Variants in TONSL observed in about 807,000 individuals in gnomAD.
TONSL encodes the protein tonsoku like, DNA repair protein, also known as tonsoku-like protein.
TONSL carries 112 observed loss-of-function variants against 147.1 expected under a neutral mutation model. The ratio of observed to expected loss-of-function variants is 0.76; its 90% CI spans 0.65 to 0.89. TONSL has a LOEUF of 0.89. Ranked by LOEUF, TONSL falls within the 40% of genes least tolerant of loss-of-function variation. The probability of loss-of-function intolerance (pLI) is 0.00; values close to 1 mark genes in which losing one functional copy is unlikely to be tolerated. For missense variants in TONSL, 1,883 were observed against 1,864.6 expected (o/e 1.01, Z -0.18); for synonymous variants, 868 against 801.5 (o/e 1.08, Z -1.40).
intron 3 of TONSL, 59 bp downstream of exon 3, chr8:144,443,823 C>G: frequency 6.5e-7 from 1 of 1,533,474 alleles, no homozygotes; most frequent in Non-Finnish European, 8.8e-7. Flanking sequence ...GGCCTCCCTC[C>G]TCAGAAAAGG....
chr8:144,431,046 C>G (rs1271153653), intron 24 of TONSL, 32 bp downstream of exon 24: 4 of 1,613,042 alleles, frequency 2.5e-6, no homozygotes, highest in Non-Finnish European at 3.4e-6. Context: ...ATCAGACCCC[C>G]AGGTCAGCAG....
Position 144,431,085 on chromosome 8 carries a change from G to C in TONSL, c.3802C>G (p.Leu1268Val), listed in dbSNP as rs782460007. 1 of 1,614,028 alleles carries C rather than the reference G, an allele frequency of 6.2e-7. No individual in the cohort carries two copies. Among genetic ancestry groups the C allele is most frequent in the Non-Finnish European group, 8.5e-7 (1 of 1,179,996 alleles). Residue 1268 changes from leucine (L) to valine (V), a missense_variant, in exon 24 of 26, where the codon CTG becomes GTG. Transcript: ENST00000409379. ...GCAGGGAAAGGGCGTTACCTGCACA[G>C]GTCTCTAACAGCCTTGTCCCCCAGG... is the stretch of plus-strand genomic sequence containing the variant. ...NHLGDKAVRD[L>V]CRCLSLCPSL... is the part of the protein sequence containing the mutation.
At chr8:144,434,786 A>C (rs541338859) in intron 20 of TONSL, 25 bp downstream of exon 20, 4 of 1,610,268 alleles carry the variant, frequency 2.5e-6, no homozygotes, top group Middle Eastern at 1.6e-4. Flanking sequence ...CCTCACCCAG[A>C]AACTGCAGCT....
chr8:144,436,335 C>G lies in TONSL; in HGVS notation c.2098G>C (p.Glu700Gln). 1 of 1,502,092 alleles carries G rather than the reference C, an allele frequency of 6.7e-7. No individual in the cohort carries two copies. Among genetic ancestry groups the G allele is most frequent in the South Asian group, 1.3e-5 (1 of 75,378 alleles). 93.0% of individuals were successfully genotyped at this position (1,502,092 alleles called of 1,614,324 possible). The part of the protein sequence containing the change: ...ETSPPLSPCP[E>Q]PPSNSTRLPE... ...AGTCTAGTGCTATTAGAGGGGGGTTCTGGGCAGGGGCTCAAAGGAGGAGAG... is the reference window on the plus strand; with the variant it reads ...AGTCTAGTGCTATTAGAGGGGGGTTGTGGGCAGGGGCTCAAAGGAGGAGAG... Residue 700 changes from glutamate to glutamine, a missense_variant, in exon 17 of 26, where the codon GAA (glutamate) becomes CAA (glutamine). By Grantham distance (29) the Glu-to-Gln change is conservative. Coordinates refer to ENST00000409379, the MANE Select transcript of TONSL (RefSeq NM_013432.5).
At chr8:144,431,258 C>A in intron 23 of TONSL, 107 bp from the exon 24 acceptor site, 1 of 1,024,464 alleles carries the variant, frequency 9.8e-7, no homozygotes, top group South Asian at 1.3e-5. Context: ...AGCAGAGTCC[C>A]CCATCAAGTT....
At chr8:144,444,318 G>A in intron 1 of TONSL, 43 bp from the exon 2 acceptor site, 1 of 1,333,690 alleles carries the variant, frequency 7.5e-7, no homozygotes, top group East Asian at 3.1e-5. Context: ...GGCGGGGTCC[G>A]GGGCCGGGGC....
intron 5 of TONSL, 73 bp downstream of exon 5, chr8:144,442,603 GA>G: frequency 1.3e-6 from 2 of 1,557,670 alleles, no homozygotes; most frequent in East Asian, 2.3e-5. Flanking sequence ...AGGACTCTGG[GA>G]AAAATACTCC....
At chr8:144,431,029 C>T in intron 24 of TONSL, 49 bp downstream of exon 24, 2 of 1,602,814 alleles carry the variant, frequency 1.2e-6, no homozygotes, top group African/African-American at 1.3e-5. Context: ...GGGTCCAGAG[C>T]CATGAGATCA....
rs759885971 is a variant in TONSL at position 144,436,203 on chromosome 8, A to T, written c.2230T>A (p.Ser744Thr). ...GGGCCTGCGCTGTCCTCGCCTTCTG[A>T]GCTGCTGCTGCTGCTGGCTGGCCCA... is the stretch of plus-strand genomic sequence containing the variant. ...RHGPASSSSSSEGEDSAGPAR... is the reference protein window; with the variant it reads ...RHGPASSSSSTEGEDSAGPAR... The change falls in exon 17 of 26, where the codon TCA (serine) becomes ACA (threonine). Residue 744 changes from serine to threonine, a missense_variant. Ser to Thr is a moderately conservative substitution (Grantham distance 58). Transcript: ENST00000409379. 6.4e-7 allele frequency: 1 copy of T among 1,568,266 alleles called. No individual in the cohort carries two copies. Among genetic ancestry groups the T allele is most frequent in the Admixed American group, 1.7e-5 (1 of 57,444 alleles).
In TONSL at chr8:144,436,313, C is replaced by G. The variant is rs775935257; in HGVS notation, c.2120G>C (p.Arg707Thr). The change falls in exon 17 of 26, where the codon AGA becomes ACA. Residue 707 changes from arginine (R) to threonine (T), a missense_variant. Transcript: ENST00000409379. ...ATGGGCCTGAGAGGCCTCTGGGAGT[C>G]TAGTGCTATTAGAGGGGGGTTCTGG... ...PCPEPPSNST[R>T]LPEASQAHVR... 7 of 1,503,328 alleles carry G rather than the reference C, an allele frequency of 4.7e-6. No homozygotes were observed. Among genetic ancestry groups the G allele is most frequent in the Non-Finnish European group, 6.2e-6 (7 of 1,133,260 alleles). The allele number at this position is 1,503,328 out of a possible 1,614,324, so 93.1% of individuals were successfully genotyped here.
rs182225101 is a variant in TONSL at position 144,435,480 on chromosome 8, G to T, written c.2846C>A (p.Pro949Gln). 357 of 1,547,154 alleles carry T rather than the reference G, an allele frequency of 2.3e-4. 1 individual carries two copies. The highest frequency in any genetic ancestry group is 1.4e-4 in the Non-Finnish European group (160 of 1,144,592). Residue 949 changes from proline to glutamine, a missense_variant, in exon 18 of 26, where the codon CCA becomes CAA. Pro to Gln is a moderately conservative substitution (Grantham distance 76). Coordinates refer to ENST00000409379, the MANE Select transcript of TONSL (RefSeq NM_013432.5). ...AGGGCAGGCGATGCCTCACCTGTGT[G>T]GGACAGGGATGAGGAAGAGATGATC... ...VQDHLFLIPV[P>Q]HSSDTHSVAW...
In TONSL at chr8:144,443,976, C is replaced by A. The variant is rs1208023397; in HGVS notation, c.170G>T (p.Arg57Leu). The A allele has an allele frequency of 1.3e-6, 2 of 1,540,774 alleles. No homozygotes were observed. Among genetic ancestry groups the A allele is most frequent in the African/African-American group, 2.7e-5 (2 of 73,032 alleles). The change falls in exon 3 of 26, where the codon CGG (arginine) becomes CTG (leucine). Residue 57 changes from arginine to leucine, a missense_variant. By Grantham distance (102) the Arg-to-Leu change is moderately radical. Transcript: ENST00000409379. Reference protein sequence around the residue: ...LEQHWQELQLRERADDPLGCA... With the variant: ...LEQHWQELQLLERADDPLGCA... ...GCCCAGAGGGTCGTCAGCGCGCTCC[C>A]GAAGCTGCAGCTCCTGCCAGTGCTG... is the stretch of plus-strand genomic sequence containing the variant.
rs781983130 is a variant in TONSL at position 144,430,448 on chromosome 8, G to C, written c.3899C>G (p.Thr1300Ser). The change falls in exon 25 of 26, where the codon ACC becomes AGC. Residue 1300 changes from threonine (T) to serine (S), a missense_variant. By Grantham distance (58) the Thr-to-Ser change is moderately conservative. Coordinates refer to ENST00000409379, the MANE Select transcript of TONSL (RefSeq NM_013432.5). ...SCASLEELLS[T>S]LQKRPQGLSF... ...AAGGCCTTGGGGCCGCTTTTGGAGG[G>C]TGGACAGGAGCTCTTCCAAGCTGGC... 5.6e-6 allele frequency: 9 copies of C among 1,612,906 alleles called. No homozygotes were observed. In the South Asian group the frequency reaches 9.9e-5, roughly 18 times the overall value.
chr8:144,443,148 C>G lies in TONSL; in HGVS notation c.438G>C (p.Glu146Asp). Reference protein sequence around the residue: ...AFEKSLAIVDEELEGTLAQGE... With the variant: ...AFEKSLAIVDDELEGTLAQGE... ...GAGGGGTCTGCCCACCCTCCAGCTCCTCATCCACAATAGCCAAGCTCTTCT... is the reference window on the plus strand; with the variant it reads ...GAGGGGTCTGCCCACCCTCCAGCTCGTCATCCACAATAGCCAAGCTCTTCT... The change falls in exon 4 of 26, where the codon GAG becomes GAC. Residue 146 changes from glutamate to aspartate, a missense_variant. Transcript: ENST00000409379. 3.2e-6 allele frequency: 5 copies of G among 1,550,488 alleles called. No individual in the cohort carries two copies. The highest frequency in any genetic ancestry group is 4.4e-6 in the Non-Finnish European group (5 of 1,146,888).
In TONSL at chr8:144,434,843, C is replaced by T. The variant is rs1423245887; in HGVS notation, c.3053G>A (p.Arg1018His). The T allele has an allele frequency of 1.2e-6, 2 of 1,613,414 alleles. No homozygotes were observed. Among genetic ancestry groups the T allele is most frequent in the East Asian group, 2.2e-5 (1 of 44,904 alleles). The change falls in exon 20 of 26, where the codon CGC becomes CAC. Residue 1018 changes from arginine (R) to histidine (H), a missense_variant. Arg to His is a conservative substitution (Grantham distance 29). Coordinates refer to ENST00000409379, the MANE Select transcript of TONSL (RefSeq NM_013432.5). ...TSWDLPPLTD[R>H]YRRACQSLGQ... Reference sequence around the variant, plus strand: ...CAGGCTCTGGCAGGCCCTGCGGTAGCGGTCAGTCAACGGGGGCAGGTCCCA... The same window carrying T: ...CAGGCTCTGGCAGGCCCTGCGGTAGTGGTCAGTCAACGGGGGCAGGTCCCA...
At chr8:144,430,270 C>CCCCAGCCTCATGGAG (rs1329363678) in intron 25 of TONSL, 134 bp downstream of exon 25, 1 of 1,120,410 alleles carries the variant, frequency 8.9e-7, no homozygotes, top group East Asian at 2.8e-5. Context: ...CCCCCTGCTG[C>CCCCAGCCTCATGGAG]CCCAGCCTCA....
At position 144,434,907 on chromosome 8, in the gene TONSL, G is replaced by A. The variant is rs757376878; in HGVS notation, c.3007-18C>T. 3.7e-6 allele frequency: 6 copies of A among 1,613,098 alleles called. No homozygotes were observed. Among genetic ancestry groups the A allele is most frequent in the Non-Finnish European group, 5.1e-6 (6 of 1,179,882 alleles). The stretch of plus-strand genomic sequence containing the variant: ...GCCAACACCTGGAAGGCACCGTCAT[G>A]AGCCACCTGGGGGCTCCCCCGGCTC... On this transcript the variant is annotated intron_variant, in intron 19 of 25. Coordinates refer to ENST00000409379, the MANE Select transcript of TONSL (RefSeq NM_013432.5).
In TONSL at chr8:144,435,159, T is replaced by A. The variant is rs1326669938; in HGVS notation, c.2864A>T (p.His955Leu). The change falls in exon 19 of 26, where the codon CAC (histidine) becomes CTC (leucine). Residue 955 changes from histidine (H) to leucine (L), a missense_variant. Physicochemically the swap from His to Leu is moderately conservative, Grantham distance 99 (BLOSUM62 -3). Coordinates refer to ENST00000409379, the MANE Select transcript of TONSL (RefSeq NM_013432.5). ...CTGCTCGGCCAGCCAGGCCACAGAG[T>A]GGGTGTCACTGCTGCAGGGACAGAG... Reference protein sequence around the residue: ...LIPVPHSSDTHSVAWLAEQAA... With the variant: ...LIPVPHSSDTLSVAWLAEQAA... 1 of 1,553,576 alleles carries A rather than the reference T, an allele frequency of 6.4e-7. No individual in the cohort carries two copies. Among genetic ancestry groups the A allele is most frequent in the South Asian group, 1.2e-5 (1 of 85,068 alleles).
Position 144,442,323 on chromosome 8 carries a change from C to T in TONSL, c.668G>A (p.Arg223His), listed in dbSNP as rs767693808. Residue 223 changes from arginine (R) to histidine (H), a missense_variant, in exon 6 of 26, where the codon CGC (arginine) becomes CAC (histidine). By Grantham distance (29) the Arg-to-His change is conservative (BLOSUM62 0). Transcript: ENST00000409379. ...WRAGQHSQAMRCLEGARECAH... is the reference protein window; with the variant it reads ...WRAGQHSQAMHCLEGARECAH... Reference sequence around the variant, plus strand: ...ACACTCCCGGGCACCCTCCAAGCAGCGCATAGCCTGGGAGTGCTGGCCCGC... The same window carrying T: ...ACACTCCCGGGCACCCTCCAAGCAGTGCATAGCCTGGGAGTGCTGGCCCGC... 1.3e-5 allele frequency: 21 copies of T among 1,598,454 alleles called. No homozygotes were observed. Among genetic ancestry groups the T allele is most frequent in the East Asian group, 4.5e-5 (2 of 44,522 alleles).
Sources: gnomAD v4.1 joint callset for allele counts on GRCh38, gnomAD v4.1.1 for gene constraint, MANE v1.5 for transcripts, NCBI Gene and HGNC (gene_info 2026-07-23, HGNC 2026-07-21) for gene names.